The following DLG2 variants were observed in gnomAD, a reference collection of about 807,000 sequenced individuals.
DLG2 encodes the protein disks large homolog 2.
DLG2 carries 45 observed loss-of-function variants against 132.5 expected under a neutral mutation model. That is an observed-to-expected ratio of 0.34 (90% CI 0.27 to 0.44). The LOEUF (loss-of-function observed/expected upper bound fraction) is 0.44, where lower values mean the gene tolerates loss of function less well. Among genes scored for constraint, DLG2 ranks in the 20% least tolerant of loss-of-function variants. The probability of loss-of-function intolerance (pLI) is 1.00; values close to 1 mark genes in which losing one functional copy is unlikely to be tolerated. For synonymous variants in DLG2, 424 were observed against 419.6 expected (o/e 1.01, Z -0.13); for missense variants, 1,045 against 1,196.9 (o/e 0.87, Z 1.87).
intron 18 of DLG2, among the ~76,000 whole-genome samples, chr11:83,716,924 T>G (rs2086839254): frequency 6.6e-6 from 1 of 152,218 alleles, no homozygotes; most frequent in Admixed American, 6.5e-5. Context: ...TACTGAAATG[T>G]TTGCCCAGCT....
At chr11:84,441,678 A>T (rs1325179402) in intron 7 of DLG2, among the ~76,000 whole-genome samples, 1 of 152,194 alleles carries the variant, frequency 6.6e-6, no homozygotes, top group Non-Finnish European at 1.5e-5. Context: ...TTTTCCACAA[A>T]AATGTATTGA....
At chr11:84,483,356 C>T (rs2099142663) in intron 7 of DLG2, among the ~76,000 whole-genome samples, 2 of 143,890 alleles carry the variant, frequency 1.4e-5, no homozygotes, top group Non-Finnish European at 3.0e-5. Context: ...CCCTTGAGCC[C>T]GGGAGATGGG....
intron 2 of DLG2, among the ~76,000 whole-genome samples, chr11:85,622,204 C>T (rs1240593821): frequency 2.0e-5 from 3 of 152,110 alleles, no homozygotes; most frequent in Non-Finnish European, 4.4e-5. Flanking sequence ...CGATCGCAAA[C>T]CTAATGGACT....
intron 7 of DLG2, among the ~76,000 whole-genome samples, chr11:84,490,666 AAC>A (rs1491362555): frequency 1.3e-4 from 19 of 151,862 alleles, no homozygotes; most frequent in African/African-American, 4.4e-4. Context: ...AAAAAAAAAA[AAC>A]CCGACAGATT....
chr11:84,236,935 G>GTTTTTTTTTTTTT (rs59927214), intron 8 of DLG2, among the ~76,000 whole-genome samples: 2 of 136,866 alleles, frequency 1.5e-5, no homozygotes, highest in Non-Finnish European at 1.6e-5. Context: ...TTTTTTTTTT[G>GTTTTTTTTTTTTT]TTTTTTTTTT....
chr11:84,375,615 C>A (rs906657531), intron 7 of DLG2, among the ~76,000 whole-genome samples: 1 of 151,760 alleles, frequency 6.6e-6, no homozygotes, highest in Non-Finnish European at 1.5e-5. Context: ...GATCATCTGA[C>A]TTTATCCGTT....
At chr11:85,034,078 A>AC (rs1484850079) in intron 6 of DLG2, among the ~76,000 whole-genome samples, 2 of 137,916 alleles carry the variant, frequency 1.5e-5, no homozygotes, top group East Asian at 4.3e-4. Flanking sequence ...GATATATTAG[A>AC]TTTTTTTTTT....
At chr11:85,358,557 G>A (rs1343559000) in intron 3 of DLG2, among the ~76,000 whole-genome samples, 2 of 152,198 alleles carry the variant, frequency 1.3e-5, no homozygotes, top group South Asian at 4.1e-4. Flanking sequence ...TGAAAGGGAT[G>A]CTGTGTTCAA....
chr11:83,987,006 A>G (rs1352473985), intron 11 of DLG2, among the ~76,000 whole-genome samples: 1 of 152,038 alleles, frequency 6.6e-6, no homozygotes, highest in Admixed American at 6.6e-5. Context: ...CCCATTTTGT[A>G]GGTTGCCTGT....
intron 18 of DLG2, among the ~76,000 whole-genome samples, chr11:83,644,474 T>C (rs976967830): frequency 6.6e-6 from 1 of 152,180 alleles, no homozygotes; most frequent in African/African-American, 2.4e-5. Context: ...TATCTATTTC[T>C]GAATCCTAAA....
chr11:83,620,534 G>A lies in DLG2; in HGVS notation c.1940+12677C>T, dbSNP rs963740313. On this transcript the variant is annotated intron_variant, in intron 19 of 27. Transcript: ENST00000376104. ...GGCATAAAAGATGAAGAAAGCATAC[G>A]TACACAAAGAAAAAGAAAATCTAAA... Among the ~76,000 whole-genome samples, 6 of 152,108 alleles carry A rather than the reference G, an allele frequency of 3.9e-5. 1 individual carries two copies. Among genetic ancestry groups the A allele is most frequent in the South Asian group, 4.2e-4 (2 of 4,814 alleles).
chr11:84,210,746 T>C (rs998163495), intron 8 of DLG2, among the ~76,000 whole-genome samples: 3 of 152,148 alleles, frequency 2.0e-5, no homozygotes, highest in Non-Finnish European at 4.4e-5. Context: ...ACACAGCAAG[T>C]ATATACTGAA....
intron 6 of DLG2, among the ~76,000 whole-genome samples, chr11:84,953,558 T>A (rs2051231360): frequency 6.6e-6 from 1 of 152,154 alleles, no homozygotes; most frequent in Admixed American, 6.5e-5. Context: ...GTTTACTTAA[T>A]CTATCAAAAT....
At chr11:85,131,491 T>G (rs1728742523) in intron 5 of DLG2, among the ~76,000 whole-genome samples, 2 of 152,126 alleles carry the variant, frequency 1.3e-5, no homozygotes, top group African/African-American at 4.8e-5. Flanking sequence ...GACATACAAT[T>G]TCCTACTTAA....
intron 15 of DLG2, among the ~76,000 whole-genome samples, chr11:83,923,541 GTTT>G (rs34467559): frequency 6.6e-6 from 1 of 151,930 alleles, no homozygotes; most frequent in East Asian, 1.9e-4. Context: ...CCCTCCCATT[GTTT>G]TCTAAAGAGT....
chr11:84,368,477 A>G (rs1268364891), intron 7 of DLG2, among the ~76,000 whole-genome samples: 2 of 152,122 alleles, frequency 1.3e-5, no homozygotes, highest in Admixed American at 1.3e-4. Context: ...CAAACCATCT[A>G]CTAGATCAAG....
intron 4 of DLG2, among the ~76,000 whole-genome samples, chr11:85,263,277 T>C (rs1168916406): frequency 4.6e-5 from 7 of 152,138 alleles, no homozygotes; most frequent in South Asian, 4.2e-4. Context: ...TCCAATGCTG[T>C]TTGAGATCAC....
At chr11:85,142,197 T>C (rs1391502821) in intron 5 of DLG2, among the ~76,000 whole-genome samples, 1 of 151,870 alleles carries the variant, frequency 6.6e-6, no homozygotes, top group East Asian at 1.9e-4. Context: ...TAACACAAAA[T>C]ATCTTTCCAT....
Position 84,502,166 on chromosome 11 carries a change from C to T in DLG2, c.519+32404G>A, listed in dbSNP as rs867440289. ...CTTTCCTTCCTTCCTTCCTTTCTCT[C>T]TCTCTCTCTTTCTCTCTCTTTCTCT... On this transcript the variant is annotated intron_variant, in intron 7 of 27. Coordinates refer to ENST00000376104, the MANE Select transcript of DLG2 (RefSeq NM_001142699.3). Among the ~76,000 whole-genome samples the T allele has an allele frequency of 1.6e-3, 81 of 50,452 alleles. 14 individuals are homozygous for T. Among genetic ancestry groups the T allele is most frequent in the African/African-American group, 0.012 (71 of 6,136 alleles). 33.1% of individuals were successfully genotyped at this position (50,452 alleles called of 152,430 possible).
Sources: allele counts gnomAD v4.1 joint callset (sites outside exome capture counted in the v4.1 genomes callset), GRCh38; gene constraint gnomAD v4.1.1; transcripts MANE v1.5; gene names NCBI Gene and HGNC (gene_info 2026-07-23, HGNC 2026-07-21).